WEE1: variants seen among roughly 807,000 people sequenced by gnomAD.
WEE1 encodes wee1-like protein kinase.
WEE1 carries 16 observed loss-of-function variants against 68.8 expected under a neutral mutation model. That is an observed-to-expected ratio of 0.23 (90% CI 0.16 to 0.35). The LOEUF (loss-of-function observed/expected upper bound fraction) is 0.35, where lower values mean the gene tolerates loss of function less well. Ranked by LOEUF, WEE1 falls within the 10% of genes least tolerant of loss-of-function variation. WEE1 has a pLI of 1.00. For missense variants in WEE1, 651 were observed against 824.1 expected (o/e 0.79, Z 2.57); for synonymous variants, 349 against 318.7 (o/e 1.09, Z -1.01).
In WEE1 at chr11:9,585,249, G is replaced by C; in HGVS notation, c.1289-9G>C. 6.2e-7 allele frequency: 1 copy of C among 1,601,846 alleles called. No individual in the cohort carries two copies. Among genetic ancestry groups the C allele is most frequent in the East Asian group, 2.2e-5 (1 of 44,790 alleles). ...ATTAGTTTGGCTTACATAATTAACT[G>C]TTTGACAGGTAATATTTTCATATCT... On this transcript the variant is annotated splice_polypyrimidine_tract_variant and intron_variant, in intron 6 of 10. Transcript: ENST00000450114.
chr11:9,587,618 CAT>C (rs2134359060), intron 10 of WEE1, among the ~76,000 whole-genome samples: 1 of 152,210 alleles, frequency 6.6e-6, no homozygotes, highest in Non-Finnish European at 1.5e-5. Context: ...TGAAGATTCT[CAT>C]ATTGGACTTA....
At chr11:9,585,205 G>T in intron 6 of WEE1, 53 bp from the exon 7 acceptor site, 2 of 1,352,298 alleles carry the variant, frequency 1.5e-6, no homozygotes, top group South Asian at 2.4e-5. Context: ...TCTTGTTTAT[G>T]AACTCTGGTT....
chr11:9,583,794 CACACACACATATATATATATATATATAT>C (rs1365814908), intron 6 of WEE1, among the ~76,000 whole-genome samples: 5 of 27,588 alleles, frequency 1.8e-4, no homozygotes, highest in African/African-American at 4.3e-4. Context: ...CACACACACA[CACACACACATATATATATATATATATAT>C]ATATATATAT....
At position 9,589,650 on chromosome 11, in the gene WEE1, CTGTT is replaced by C. The variant is rs79680752; in HGVS notation, c.*1054_*1057del. On this transcript the variant is annotated 3_prime_UTR_variant, in exon 11 of 11. Coordinates refer to ENST00000450114, the MANE Select transcript of WEE1 (RefSeq NM_003390.4). ...GCTAACAGATGTTGAAAAAAATTGT[CTGTT>C]TGTTTTCTCATTAATTTTGGTCTAA... 219,735 of 984,984 alleles carry C rather than the reference CTGTT, an allele frequency of 0.22. 24,743 individuals carry two copies. Among genetic ancestry groups the C allele is most frequent in the African/African-American group, 0.28 (15,986 of 57,164 alleles). The allele number at this position is 984,984 out of a possible 1,614,324, so 61.0% of individuals were successfully genotyped here.
intron 5 of WEE1, chr11:9,579,470 A>T (rs2134345204): frequency 6.6e-6 from 1 of 152,344 alleles, no homozygotes; most frequent in African/African-American, 2.4e-5. Flanking sequence ...TTGCATTATA[A>T]GCCTTTTATC....
intron 8 of WEE1, 75 bp downstream of exon 8, chr11:9,585,602 A>T: frequency 8.2e-7 from 1 of 1,219,708 alleles, no homozygotes; most frequent in Non-Finnish European, 1.1e-6. Context: ...AAATTCAGAT[A>T]TATTAAACTT....
At position 9,588,481 on chromosome 11, in the gene WEE1, C is replaced by T; in HGVS notation, c.1820C>T (p.Ala607Val). 3 of 1,603,862 alleles carry T rather than the reference C, an allele frequency of 1.9e-6. No individual in the cohort carries two copies. Among genetic ancestry groups the T allele is most frequent in the East Asian group, 2.2e-5 (1 of 44,612 alleles). Residue 607 changes from alanine (A) to valine (V), a missense_variant, in exon 11 of 11, where the codon GCA becomes GTA. Physicochemically the swap from Ala to Val is moderately conservative, Grantham distance 64. This residue lies in a region of WEE1 where 115 missense variants were observed against 142.7 expected (regional missense o/e 0.81). Transcript: ENST00000450114. ...AAGAAAGCACAGATGGCAAAAGCTGCAGCTGAGGAAAGAGCACTCTTCACT... is the reference window on the plus strand; with the variant it reads ...AAGAAAGCACAGATGGCAAAAGCTGTAGCTGAGGAAAGAGCACTCTTCACT... Reference protein sequence around the residue: ...ELKKAQMAKAAAEERALFTDR... With the variant: ...ELKKAQMAKAVAEERALFTDR...
chr11:9,588,520 C>G lies in WEE1; in HGVS notation c.1859C>G (p.Thr620Ser), dbSNP rs1849727155. The change falls in exon 11 of 11, where the codon ACT becomes AGT. Residue 620 changes from threonine to serine, a missense_variant. Coordinates refer to ENST00000450114, the MANE Select transcript of WEE1 (RefSeq NM_003390.4). ...GCACTCTTCACTGACCGGATGGCCA[C>G]TAGGTCCACCACCCAGAGTAATAGA... ...ERALFTDRMA[T>S]RSTTQSNRTS... is the part of the protein sequence containing the mutation. 1 of 1,612,630 alleles carries G rather than the reference C, an allele frequency of 6.2e-7. No homozygotes were observed. The highest frequency in any genetic ancestry group is 8.5e-7 in the Non-Finnish European group (1 of 1,179,736).
chr11:9,589,401 T>C lies in WEE1; in HGVS notation c.*799T>C, dbSNP rs1233055700. On this transcript the variant is annotated 3_prime_UTR_variant, in exon 11 of 11. Coordinates refer to ENST00000450114, the MANE Select transcript of WEE1 (RefSeq NM_003390.4). ...TTTGTAACTTGTTCTGGTAATGTCCTTCCCGGACTCTTTTTAAATGTCTCC... is the reference window on the plus strand; with the variant it reads ...TTTGTAACTTGTTCTGGTAATGTCCCTCCCGGACTCTTTTTAAATGTCTCC... 2.0e-6 allele frequency: 2 copies of C among 984,846 alleles called. No homozygotes were observed. The highest frequency in any genetic ancestry group is 1.7e-5 in the African/African-American group (1 of 57,216). The allele number at this position is 984,846 out of a possible 1,614,324, so 61.0% of individuals were successfully genotyped here.
intron 8 of WEE1, among the ~76,000 whole-genome samples, chr11:9,586,012 G>C (rs1589981233): frequency 6.6e-6 from 1 of 152,148 alleles, no homozygotes; most frequent in African/African-American, 2.4e-5. Context: ...AATGAAAATA[G>C]AATAAGTAGA....
rs930719345 is a variant in WEE1 at position 9,576,423 on chromosome 11, C to T, written c.847-64C>T. On this transcript the variant is annotated intron_variant, in intron 3 of 10. Transcript: ENST00000450114. The surrounding 1 kb of genome is among the most constrained non-coding windows in gnomAD (Gnocchi z 4.3). ...TAAATTTCACACATAGCCCTATCACCATAGCAAGAAATAACTGTTTTCGTA... is the reference window on the plus strand; with the variant it reads ...TAAATTTCACACATAGCCCTATCACTATAGCAAGAAATAACTGTTTTCGTA... The T allele has an allele frequency of 2.5e-5, 39 of 1,575,774 alleles. No individual in the cohort carries two copies. In the African/African-American group the frequency reaches 4.8e-4, roughly 19 times the overall value.
rs374389135 is a variant in WEE1 at position 9,581,779 on chromosome 11, A to G, written c.1288+101A>G. 9.9e-5 allele frequency: 123 copies of G among 1,248,584 alleles called. No individual in the cohort carries two copies. The African/African-American group carries it at 1.8e-3, about 18-fold the overall frequency. The allele number at this position is 1,248,584 out of a possible 1,614,324, so 77.3% of individuals were successfully genotyped here. ...AAAAATATATATCTTCTGTTTTCTC[A>G]TTGTTAGTTTTAAAAGGCCTTAGAT... is the stretch of plus-strand genomic sequence containing the variant. On this transcript the variant is annotated intron_variant, in intron 6 of 10. Coordinates refer to ENST00000450114, the MANE Select transcript of WEE1 (RefSeq NM_003390.4).
chr11:9,585,203 A>T, intron 6 of WEE1, 55 bp from the exon 7 acceptor site: 1 of 1,346,190 alleles, frequency 7.4e-7, no homozygotes, highest in Non-Finnish European at 1.1e-6. Context: ...GATCTTGTTT[A>T]TGAACTCTGG....
intron 1 of WEE1, chr11:9,575,322 G>A (rs540085376): frequency 1.2e-5 from 12 of 988,950 alleles, no homozygotes; most frequent in Admixed American, 5.9e-5. Flanking sequence ...TACTTCCAGA[G>A]ATTAAGACAA....
chr11:9,587,741 G>A (rs1272912061), intron 10 of WEE1, among the ~76,000 whole-genome samples: 1 of 152,096 alleles, frequency 6.6e-6, no homozygotes, highest in Non-Finnish European at 1.5e-5. Context: ...TTGATTTATT[G>A]CAGCCATTTT....
At chr11:9,581,476 GAAGA>G in intron 5 of WEE1, 52 bp from the exon 6 acceptor site, 1 of 1,520,878 alleles carries the variant, frequency 6.6e-7, no homozygotes, top group Non-Finnish European at 8.8e-7. Flanking sequence ...GGTAAAGATG[GAAGA>G]AAGAAAATAT....
Position 9,577,444 on chromosome 11 carries a change from A to G in WEE1, c.1141+181A>G, listed in dbSNP as rs1463095240. On this transcript the variant is annotated intron_variant, in intron 5 of 10. Transcript: ENST00000450114. ...CCTTGTCCTTTCTGAAGCACCTTGT[A>G]CATATCTCAGTAGTAGAACTTCGCA... is the stretch of plus-strand genomic sequence containing the variant. 7.5e-6 allele frequency: 5 copies of G among 663,906 alleles called. No homozygotes were observed. In the East Asian group the frequency reaches 1.5e-4, roughly 20 times the overall value. The allele number at this position is 663,906 out of a possible 1,614,324, so 41.1% of individuals were successfully genotyped here.
In WEE1 at chr11:9,589,813, T is replaced by C; in HGVS notation, c.*1211T>C. 1 of 698,200 alleles carries C rather than the reference T, an allele frequency of 1.4e-6. No individual in the cohort carries two copies. The highest frequency in any genetic ancestry group is 1.8e-6 in the Non-Finnish European group (1 of 567,458). The allele number at this position is 698,200 out of a possible 1,614,324, so 43.3% of individuals were successfully genotyped here. A position where few individuals can be genotyped will look rare whatever the true frequency, so the allele number is the denominator to read the frequency against. ...TAATATTTTATCTCTATTATTGCTA[T>C]ACTATAAAATGTATAGTGTGTATAA... is the stretch of plus-strand genomic sequence containing the variant. On this transcript the variant is annotated 3_prime_UTR_variant, in exon 11 of 11. Transcript: ENST00000450114.
At chr11:9,582,661 C>T (rs12419221) in intron 6 of WEE1, among the ~76,000 whole-genome samples, 25,032 of 152,042 alleles carry the variant, frequency 0.16, 2,734 homozygotes, top group Non-Finnish European at 0.24. Flanking sequence ...CTGCCTCCCA[C>T]GTTCAAGCGA....
Sources: allele counts gnomAD v4.1 joint callset (sites outside exome capture counted in the v4.1 genomes callset), GRCh38; gene constraint gnomAD v4.1.1; regional missense constraint gnomAD v4.1.1; non-coding constraint Gnocchi (gnomAD v3.1); transcripts MANE v1.5; gene names NCBI Gene and HGNC (gene_info 2026-07-23, HGNC 2026-07-21).